LRRC7: variants seen among roughly 807,000 people sequenced by gnomAD.
The protein encoded by LRRC7 is leucine-rich repeat-containing protein 7.
Under a neutral mutation model 175.7 loss-of-function variants are expected in LRRC7, and 23 were observed. The observed-to-expected ratio is 0.13, with a 90% CI of 0.09 to 0.19. The LOEUF is 0.19. Among genes scored for constraint, LRRC7 ranks in the 10% least tolerant of loss-of-function variants. The pLI is 1.00. For missense variants in LRRC7, 1,354 were observed against 1,904.7 expected (o/e 0.71, Z 5.38); for synonymous variants, 685 against 680.9 (o/e 1.01, Z -0.09).
intron 5 of LRRC7, among the ~76,000 whole-genome samples, chr1:69,830,230 A>T (rs1313583288): frequency 6.6e-6 from 1 of 151,810 alleles, no homozygotes; most frequent in Non-Finnish European, 1.5e-5. Context: ...GCAGTGAAGA[A>T]ATTACTAGTA....
chr1:69,751,575 C>T (rs185193187), intron 2 of LRRC7, among the ~76,000 whole-genome samples: 77 of 152,180 alleles, frequency 5.1e-4, no homozygotes, highest in Non-Finnish European at 9.0e-4. Flanking sequence ...ATGTCTAGTA[C>T]GGAGGAGTAG....
chr1:69,892,779 A>G (rs1645875198), intron 7 of LRRC7, among the ~76,000 whole-genome samples: 1 of 152,194 alleles, frequency 6.6e-6, no homozygotes, highest in Non-Finnish European at 1.5e-5. Flanking sequence ...GAGAAATTAA[A>G]CAATTATTTA....
Position 69,824,599 on chromosome 1 carries a change from C to T in LRRC7, c.422-1149C>T, listed in dbSNP as rs148558076. On this transcript the variant is annotated intron_variant, in intron 4 of 26. Coordinates refer to ENST00000651989, the MANE Select transcript of LRRC7 (RefSeq NM_001370785.2). ...TGTACCCCTTTGTACCCCTATTTGG[C>T]AGTGGATAAGTGACCTGTCCTGGAT... Among the ~76,000 whole-genome samples, 499 of 152,194 alleles carry T rather than the reference C, an allele frequency of 3.3e-3. 1 individual carries two copies. The highest frequency in any genetic ancestry group is 0.011 in the African/African-American group (450 of 41,540).
At chr1:69,958,858 G>A (rs1311059453) in intron 8 of LRRC7, among the ~76,000 whole-genome samples, 3 of 152,064 alleles carry the variant, frequency 2.0e-5, no homozygotes, top group Non-Finnish European at 4.4e-5. Context: ...AAATACAGCA[G>A]TCTTAACCAA....
chr1:69,851,599 C>A (rs1360362961), intron 7 of LRRC7, among the ~76,000 whole-genome samples: 1 of 152,038 alleles, frequency 6.6e-6, no homozygotes, highest in Non-Finnish European at 1.5e-5. Context: ...ACGTTCTCAA[C>A]TAATTTCTTT....
At chr1:69,998,836 C>A (rs1655260213) in intron 11 of LRRC7, among the ~76,000 whole-genome samples, 1 of 152,154 alleles carries the variant, frequency 6.6e-6, no homozygotes, top group Non-Finnish European at 1.5e-5. Context: ...AGAATTTTGG[C>A]CTCTTGACCT....
intron 4 of LRRC7, among the ~76,000 whole-genome samples, chr1:69,812,310 C>T (rs927069275): frequency 9.2e-5 from 14 of 152,180 alleles, no homozygotes; most frequent in Middle Eastern, 3.4e-3. Flanking sequence ...AATATGATAG[C>T]GTTTGAAATA....
At chr1:69,981,011 C>T (rs1435875099) in intron 9 of LRRC7, among the ~76,000 whole-genome samples, 1 of 152,150 alleles carries the variant, frequency 6.6e-6, no homozygotes, top group East Asian at 1.9e-4. Context: ...AGTACTATCT[C>T]CTGAGTATAA....
At chr1:69,705,376 A>G (rs534844379) in intron 2 of LRRC7, among the ~76,000 whole-genome samples, 1 of 152,220 alleles carries the variant, frequency 6.6e-6, no homozygotes, top group Non-Finnish European at 1.5e-5. Flanking sequence ...CATTAGCCAA[A>G]GTGAGTTGCA....
At chr1:69,855,651 G>A (rs549387136) in intron 7 of LRRC7, among the ~76,000 whole-genome samples, 2 of 152,130 alleles carry the variant, frequency 1.3e-5, no homozygotes, top group Non-Finnish European at 2.9e-5. Flanking sequence ...TCTGCTTGGT[G>A]CGGAGCTGAG....
At chr1:69,814,195 T>G (rs747364115) in intron 4 of LRRC7, among the ~76,000 whole-genome samples, 158 of 152,044 alleles carry the variant, frequency 1.0e-3, no homozygotes, top group Non-Finnish European at 2.0e-3. Flanking sequence ...AGATATCGTG[T>G]TTTGAAAATT....
chr1:69,875,059 T>G (rs1175677183), intron 7 of LRRC7: 1 of 152,098 alleles, frequency 6.6e-6, no homozygotes, highest in Non-Finnish European at 1.5e-5. Flanking sequence ...TGTGTTCTTA[T>G]GAATTCTCAG....
At chr1:69,717,676 A>G (rs2100756781) in intron 2 of LRRC7, among the ~76,000 whole-genome samples, 1 of 151,104 alleles carries the variant, frequency 6.6e-6, no homozygotes, top group East Asian at 1.9e-4. Context: ...AACTGTGTTT[A>G]TAGATACCTT....
intron 8 of LRRC7, among the ~76,000 whole-genome samples, chr1:69,965,948 G>A (rs1309725254): frequency 6.6e-6 from 1 of 152,038 alleles, no homozygotes; most frequent in African/African-American, 2.4e-5. Context: ...TAAACCAAGT[G>A]TATTGTTAAA....
intron 2 of LRRC7, among the ~76,000 whole-genome samples, chr1:69,747,575 G>A (rs1340766): frequency 0.68 from 102,836 of 151,926 alleles, 35,158 homozygotes; most frequent in East Asian, 0.92. Context: ...ATCTGAGCAT[G>A]CTTTTTTCAT....
intron 1 of LRRC7, among the ~76,000 whole-genome samples, chr1:69,652,318 A>T (rs962805814): frequency 8.5e-5 from 13 of 152,322 alleles, no homozygotes; most frequent in African/African-American, 2.9e-4. Flanking sequence ...TCAACACACA[A>T]AAAATAAATT....
chr1:70,052,411 C>T (rs2102061874), intron 22 of LRRC7, among the ~76,000 whole-genome samples: 1 of 151,882 alleles, frequency 6.6e-6, no homozygotes, highest in Middle Eastern at 3.4e-3. Flanking sequence ...GTAATCAAAA[C>T]AGTCATGATT....
At chr1:69,838,116 T>C in intron 6 of LRRC7, 111 bp from the exon 7 acceptor site, 1 of 619,014 alleles carries the variant, frequency 1.6e-6, no homozygotes, top group East Asian at 3.0e-5. Flanking sequence ...TTTTTAAATA[T>C]ACATTATTGT....
chr1:69,794,267 C>T (rs993670807), intron 4 of LRRC7, among the ~76,000 whole-genome samples: 5 of 151,652 alleles, frequency 3.3e-5, no homozygotes, highest in Admixed American at 2.6e-4. Flanking sequence ...AAACATGTTT[C>T]CTGAAGATTT....
Sources: gnomAD v4.1 joint callset for allele counts (sites outside exome capture counted in the v4.1 genomes callset) on GRCh38, gnomAD v4.1.1 for gene constraint, MANE v1.5 for transcripts, NCBI Gene and HGNC (gene_info 2026-07-23, HGNC 2026-07-21) for gene names.